FNDC3B: variants seen among roughly 807,000 people sequenced by gnomAD.
FNDC3B encodes the protein fibronectin type III domain-containing protein 3B.
FNDC3B carries 12 observed loss-of-function variants against 151.5 expected under a neutral mutation model. The ratio of observed to expected loss-of-function variants is 0.08; its 90% confidence interval spans 0.05 to 0.13. The LOEUF (loss-of-function observed/expected upper bound fraction) is 0.13. Ranked by LOEUF, FNDC3B falls within the 10% of genes least tolerant of loss-of-function variation. The pLI, the probability that FNDC3B is intolerant of heterozygous loss-of-function variation, is 1.00. For missense variants in FNDC3B, 1,214 were observed against 1,505.3 expected (o/e 0.81, Z 3.20); for synonymous variants, 528 against 549.0 (o/e 0.96, Z 0.54).
chr3:172,121,237 T>A (rs188652945), intron 2 of FNDC3B, among the ~76,000 whole-genome samples: 1 of 152,352 alleles, frequency 6.6e-6, no homozygotes, highest in East Asian at 1.9e-4. Context: ...ATGATTAAAA[T>A]TTTTTCAGGC....
chr3:172,355,406 C>T (rs1734045532), intron 22 of FNDC3B, among the ~76,000 whole-genome samples: 3 of 152,152 alleles, frequency 2.0e-5, no homozygotes, highest in African/African-American at 7.2e-5. Flanking sequence ...TCCTCAATAG[C>T]AGTGATTCTC....
chr3:172,259,050 A>G (rs1728512853), intron 6 of FNDC3B, among the ~76,000 whole-genome samples: 1 of 152,066 alleles, frequency 6.6e-6, no homozygotes, highest in Non-Finnish European at 1.5e-5. Context: ...ATATTGCTTT[A>G]TCTCTCAAGT....
chr3:172,250,810 C>A (rs1199015634), intron 5 of FNDC3B, among the ~76,000 whole-genome samples: 2 of 151,994 alleles, frequency 1.3e-5, no homozygotes, highest in Non-Finnish European at 1.5e-5. Flanking sequence ...ATGTATATGG[C>A]ATTTTCTTTT....
At chr3:172,206,527 C>T (rs75287359) in intron 3 of FNDC3B, among the ~76,000 whole-genome samples, 3 of 151,668 alleles carry the variant, frequency 2.0e-5, no homozygotes, top group East Asian at 3.9e-4. Context: ...GGGGTGGTGG[C>T]GGGCGCCTGT....
rs79209177 is a variant in FNDC3B, at chr3:172,208,252, A to G, written c.188-18619A>G. On this transcript the variant is annotated intron_variant, in intron 3 of 25. Transcript: ENST00000415807. ...TAAAGGAATCTGACATTTTCCCCCA[A>G]CTCCTGGGGAACAATAGTAGTTTGA... is the stretch of plus-strand genomic sequence containing the variant. Among the ~76,000 whole-genome samples the G allele has an allele frequency of 2.6e-4, 40 of 152,206 alleles. No individual in the cohort carries two copies. In the East Asian group the frequency reaches 7.3e-3, roughly 28 times the overall value.
At chr3:172,252,424 C>T (rs1393269889) in intron 6 of FNDC3B, among the ~76,000 whole-genome samples, 1 of 151,722 alleles carries the variant, frequency 6.6e-6, no homozygotes, top group Non-Finnish European at 1.5e-5. Context: ...CACATTCTCA[C>T]AGACACAGTC....
intron 6 of FNDC3B, among the ~76,000 whole-genome samples, chr3:172,255,462 G>A (rs749730639): frequency 3.9e-5 from 6 of 152,166 alleles, no homozygotes; most frequent in Non-Finnish European, 8.8e-5. Flanking sequence ...TAGAGATGGC[G>A]TTTCACCATG....
chr3:172,230,571 C>T (rs1346771433), intron 4 of FNDC3B, among the ~76,000 whole-genome samples: 1 of 150,960 alleles, frequency 6.6e-6, no homozygotes, highest in Non-Finnish European at 1.5e-5. Flanking sequence ...AAAATATGTA[C>T]AAACAATATG....
chr3:172,365,905 C>T (rs1384592882), intron 23 of FNDC3B, among the ~76,000 whole-genome samples: 1 of 152,148 alleles, frequency 6.6e-6, no homozygotes, highest in African/African-American at 2.4e-5. Flanking sequence ...TAAACTATTG[C>T]TCTCCAAATT....
chr3:172,292,178 G>A (rs537982448), intron 7 of FNDC3B, among the ~76,000 whole-genome samples: 10 of 152,178 alleles, frequency 6.6e-5, no homozygotes, highest in Non-Finnish European at 1.3e-4. Context: ...GAGAGCAGGA[G>A]GACAAGAAGG....
chr3:172,183,457 A>G (rs1450914447), intron 3 of FNDC3B, among the ~76,000 whole-genome samples: 1 of 152,242 alleles, frequency 6.6e-6, no homozygotes, highest in East Asian at 1.9e-4. Context: ...GAACTGTGTC[A>G]GAATGTGTGT....
intron 1 of FNDC3B, among the ~76,000 whole-genome samples, chr3:172,069,812 G>T (rs1340581358): frequency 6.6e-6 from 1 of 152,108 alleles, no homozygotes. Flanking sequence ...CATTTTAGGG[G>T]GGCTACTAAA....
chr3:172,042,192 A>G (rs1716119913), intron 1 of FNDC3B, among the ~76,000 whole-genome samples: 1 of 152,220 alleles, frequency 6.6e-6, no homozygotes, highest in African/African-American at 2.4e-5. Flanking sequence ...AATTTCAGAA[A>G]GATATTCCGG....
At chr3:172,264,077 C>T (rs1305029373) in intron 6 of FNDC3B, among the ~76,000 whole-genome samples, 1 of 152,160 alleles carries the variant, frequency 6.6e-6, no homozygotes, top group Admixed American at 6.5e-5. Flanking sequence ...GCCTCAACCT[C>T]CTTGGCTCAA....
intron 1 of FNDC3B, among the ~76,000 whole-genome samples, chr3:172,045,784 C>CTA (rs1180906526): frequency 5.0e-4 from 73 of 146,334 alleles, no homozygotes; most frequent in African/African-American, 1.4e-3. Context: ...CTCTCTCTCT[C>CTA]TCTCTCTCTC....
At chr3:172,167,498 G>A (rs1362414897) in intron 3 of FNDC3B, among the ~76,000 whole-genome samples, 1 of 152,220 alleles carries the variant, frequency 6.6e-6, no homozygotes, top group Admixed American at 6.5e-5. Flanking sequence ...GGATATACTG[G>A]TTGGTTTTAC....
intron 6 of FNDC3B, among the ~76,000 whole-genome samples, chr3:172,282,197 A>T (rs2108819544): frequency 6.6e-6 from 1 of 152,282 alleles, no homozygotes; most frequent in East Asian, 1.9e-4. Flanking sequence ...TTTAAAACAA[A>T]TTTTATTTTT....
intron 1 of FNDC3B, among the ~76,000 whole-genome samples, chr3:172,109,649 T>C (rs1001481855): frequency 3.3e-5 from 5 of 152,248 alleles, no homozygotes; most frequent in Admixed American, 2.6e-4. Flanking sequence ...ATGATGTTCA[T>C]ATGTTCCCAC....
intron 3 of FNDC3B, among the ~76,000 whole-genome samples, chr3:172,153,193 A>G (rs1722318344): frequency 6.6e-6 from 1 of 152,196 alleles, no homozygotes; most frequent in South Asian, 2.1e-4. Context: ...GAATTTGGAT[A>G]CAGTACAGTA....
Sources: gnomAD v4.1 joint callset for allele counts (sites outside exome capture counted in the v4.1 genomes callset) on GRCh38, gnomAD v4.1.1 for gene constraint, MANE v1.5 for transcripts, NCBI Gene and HGNC (gene_info 2026-07-23, HGNC 2026-07-21) for gene names.